Variants in WDR64 observed in about 807,000 individuals in gnomAD.
WDR64 encodes the protein WD repeat domain 64.
Under a neutral mutation model 139.3 loss-of-function variants are expected in WDR64, and 112 were observed. That is an observed-to-expected ratio of 0.80 (90% CI 0.69 to 0.94). The LOEUF is 0.94. Ranked by LOEUF, WDR64 falls within the 40% of genes least tolerant of loss-of-function variation. WDR64 has a pLI of 0.00. For missense variants in WDR64, 1,206 were observed against 1,293.1 expected (o/e 0.93, Z 1.03); for synonymous variants, 444 against 437.7 (o/e 1.01, Z -0.18).
chr1:241,768,855 G>A (rs1658297757), intron 16 of WDR64, among the ~76,000 whole-genome samples: 2 of 152,112 alleles, frequency 1.3e-5, no homozygotes, highest in African/African-American at 4.8e-5. Flanking sequence ...CAAGAGCAGG[G>A]TCCTCACTGG....
At chr1:241,752,544 T>G (rs1296302415) in intron 14 of WDR64, among the ~76,000 whole-genome samples, 2 of 152,194 alleles carry the variant, frequency 1.3e-5, no homozygotes, top group Non-Finnish European at 2.9e-5. Flanking sequence ...TGAAACCGGT[T>G]AAACCTATTA....
chr1:241,659,237 T>G (rs931953752), intron 1 of WDR64, among the ~76,000 whole-genome samples: 1 of 152,204 alleles, frequency 6.6e-6, no homozygotes, highest in African/African-American at 2.4e-5. Context: ...AAGGACATGA[T>G]CTCATTCCTT....
At chr1:241,660,271 A>AGT (rs1474285995) in intron 1 of WDR64, among the ~76,000 whole-genome samples, 29 of 152,140 alleles carry the variant, frequency 1.9e-4, no homozygotes, top group African/African-American at 7.0e-4. Flanking sequence ...CATTGGTCTG[A>AGT]GTGTGTGTTC....
chr1:241,730,946 ATCT>A (rs1669054030), intron 10 of WDR64, among the ~76,000 whole-genome samples: 1 of 152,158 alleles, frequency 6.6e-6, no homozygotes, highest in Non-Finnish European at 1.5e-5. Context: ...ACTGCCTGTA[ATCT>A]TCTCAAAAGG....
intron 21 of WDR64, among the ~76,000 whole-genome samples, chr1:241,777,448 C>T (rs1194337183): frequency 6.6e-6 from 1 of 150,616 alleles, no homozygotes; most frequent in African/African-American, 2.4e-5. Flanking sequence ...AACAGAGTCT[C>T]GCTCTATTGC....
chr1:241,746,637 C>T (rs1173049893), intron 13 of WDR64, among the ~76,000 whole-genome samples: 1 of 151,788 alleles, frequency 6.6e-6, no homozygotes, highest in East Asian at 1.9e-4. Flanking sequence ...CAGTGGAATA[C>T]TGTAGTTATT....
At chr1:241,675,065 TCCTTCCTG>T (rs1666451357) in intron 4 of WDR64, among the ~76,000 whole-genome samples, 1 of 82,342 alleles carries the variant, frequency 1.2e-5, no homozygotes, top group African/African-American at 5.2e-5. Flanking sequence ...TCTCCCTTCC[TCCTTCCTG>T]CCTCCCTCCC....
intron 10 of WDR64, among the ~76,000 whole-genome samples, chr1:241,736,450 G>C (rs556175699): frequency 3.3e-5 from 5 of 149,364 alleles, no homozygotes; most frequent in Non-Finnish European, 7.4e-5. Context: ...GAGTTAGCTA[G>C]ATAGAGAAGG....
chr1:241,751,796 G>C lies in WDR64; in HGVS notation c.1770+2074G>C, dbSNP rs1456802676. On this transcript the variant is annotated intron_variant, in intron 14 of 27. Coordinates refer to ENST00000437684, the MANE Select transcript of WDR64 (RefSeq NM_001367482.1). ...GTAACAAGAGGGCAGACCGTAAATT[G>C]ACTGGTCTATTAATACAACTTCATA... Among the ~76,000 whole-genome samples, 5 of 152,286 alleles carry C rather than the reference G, an allele frequency of 3.3e-5. No homozygotes were observed. The East Asian group carries it at 9.7e-4, about 29-fold the overall frequency.
chr1:241,749,814 C>T (rs1669914172), intron 14 of WDR64, 92 bp downstream of exon 14: 3 of 1,373,382 alleles, frequency 2.2e-6, no homozygotes, highest in Non-Finnish European at 3.0e-6. Context: ...TAACCCCGCT[C>T]TTGGTAGCCA....
intron 27 of WDR64, among the ~76,000 whole-genome samples, chr1:241,799,061 T>G (rs1659445681): frequency 6.6e-6 from 1 of 151,682 alleles, no homozygotes; most frequent in African/African-American, 2.4e-5. Context: ...TACTCCATAG[T>G]TTTTCCAAAG....
At chr1:241,745,726 C>T (rs1439207228) in intron 13 of WDR64, among the ~76,000 whole-genome samples, 2 of 152,148 alleles carry the variant, frequency 1.3e-5, no homozygotes, top group African/African-American at 4.8e-5. Context: ...GCTGGGATTA[C>T]AGGAGTGAGC....
intron 10 of WDR64, among the ~76,000 whole-genome samples, chr1:241,732,088 A>G (rs1366692594): frequency 6.6e-6 from 1 of 152,136 alleles, no homozygotes; most frequent in Non-Finnish European, 1.5e-5. Context: ...TTATTTGGGG[A>G]CTAAAAATCT....
Position 241,711,965 on chromosome 1 carries a change from T to C in WDR64, c.1054+84T>C, listed in dbSNP as rs770123405. On this transcript the variant is annotated intron_variant, in intron 9 of 27. Transcript: ENST00000437684. Reference sequence around the variant, plus strand: ...GAGTTTTGGTGCTAGGAAGAACACATTAGGGAATTTACAAATTTGTATCAA... The same window carrying C: ...GAGTTTTGGTGCTAGGAAGAACACACTAGGGAATTTACAAATTTGTATCAA... The C allele has an allele frequency of 1.1e-3, 1,372 of 1,276,228 alleles. 2 individuals are homozygous for C. The highest frequency in any genetic ancestry group is 1.3e-3 in the Non-Finnish European group (1,186 of 895,700). 79.1% of individuals were successfully genotyped at this position (1,276,228 alleles called of 1,614,324 possible).
intron 4 of WDR64, among the ~76,000 whole-genome samples, chr1:241,675,045 T>C (rs1315065631): frequency 2.2e-5 from 1 of 46,048 alleles, no homozygotes; most frequent in Non-Finnish European, 4.5e-5. Context: ...CCTTCTTCTT[T>C]CCTTCCTTTT....
chr1:241,716,276 A>C (rs1668398435), intron 9 of WDR64, among the ~76,000 whole-genome samples: 2 of 100,996 alleles, frequency 2.0e-5, no homozygotes, highest in South Asian at 6.6e-4. Flanking sequence ...AAAAAGCACA[A>C]GCTTTTGCAG....
At chr1:241,681,028 C>T (rs1316466840) in intron 6 of WDR64, among the ~76,000 whole-genome samples, 1 of 152,132 alleles carries the variant, frequency 6.6e-6, no homozygotes, top group East Asian at 1.9e-4. Flanking sequence ...GGCAAAATAT[C>T]CTTGCATTTG....
chr1:241,752,019 T>C (rs915276235), intron 14 of WDR64, among the ~76,000 whole-genome samples: 2 of 152,200 alleles, frequency 1.3e-5, no homozygotes, highest in Non-Finnish European at 2.9e-5. Flanking sequence ...AGGAAGATGA[T>C]TAATTGACCC....
chr1:241,767,680 T>G (rs749340948), intron 16 of WDR64, among the ~76,000 whole-genome samples: 2 of 151,614 alleles, frequency 1.3e-5, no homozygotes, highest in Non-Finnish European at 2.9e-5. Context: ...CTTAACATAC[T>G]GCTGGTCTGC....
Sources: gnomAD v4.1 joint callset for allele counts (sites outside exome capture counted in the v4.1 genomes callset) on GRCh38, gnomAD v4.1.1 for gene constraint, MANE v1.5 for transcripts, NCBI Gene and HGNC (gene_info 2026-07-23, HGNC 2026-07-21) for gene names.